Variants in SEMA4C observed in about 807,000 individuals in gnomAD.
SEMA4C encodes the protein semaphorin-4C.
A neutral mutation model predicts 89.0 loss-of-function variants in SEMA4C; 19 were observed. The observed-to-expected ratio is 0.21, with a 90% CI of 0.15 to 0.31. The LOEUF (loss-of-function observed/expected upper bound fraction) is 0.31, where lower values mean the gene tolerates loss of function less well. Among genes scored for constraint, SEMA4C ranks in the 10% least tolerant of loss-of-function variants. SEMA4C has a pLI of 1.00. For missense variants in SEMA4C, 811 were observed against 1,107.0 expected (o/e 0.73, Z 3.79); for synonymous variants, 428 against 472.7 (o/e 0.91, Z 1.23).
At chr2:96,868,863 G>A (rs959292824) in intron 1 of SEMA4C, 1 of 985,292 alleles carries the variant, frequency 1.0e-6, no homozygotes, top group African/African-American at 1.7e-5. Flanking sequence ...CGGGGACTGC[G>A]CCCCAGGGAC....
At chr2:96,863,648 T>G (rs528651956) in intron 12 of SEMA4C, 34 bp downstream of exon 12, 17 of 1,573,264 alleles carry the variant, frequency 1.1e-5, no homozygotes, top group Middle Eastern at 3.3e-4. Context: ...GGGATAGTGC[T>G]GGGGACAGTG....
At position 96,861,984 on chromosome 2, in the gene SEMA4C, T is replaced by C; in HGVS notation, c.1444-90A>G. On this transcript the variant is annotated intron_variant, in intron 12 of 14. Coordinates refer to ENST00000305476, the MANE Select transcript of SEMA4C (RefSeq NM_017789.5). This position sits in a 1 kb window ranked among gnomAD's most constrained non-coding sequence, Gnocchi z 7.8. ...ACCAGAACGCAGCATGGGGACAGCT[T>C]GGACTCCTGCAGGGGGCACAGCACG... The C allele has an allele frequency of 2.8e-6, 4 of 1,410,120 alleles. No individual in the cohort carries two copies. The East Asian group carries it at 7.5e-5, about 26-fold the overall frequency. The allele number at this position is 1,410,120 out of a possible 1,614,324, so 87.4% of individuals were successfully genotyped here. A position where few individuals can be genotyped will look rare whatever the true frequency, so the allele number is the denominator to read the frequency against.
rs1407968930 is a variant in SEMA4C at position 96,863,664 on chromosome 2, T to C, written c.1443+18A>G. 2 of 1,602,948 alleles carry C rather than the reference T, an allele frequency of 1.2e-6. No individual in the cohort carries two copies. The highest frequency in any genetic ancestry group is 1.7e-6 in the Non-Finnish European group (2 of 1,170,058). On this transcript the variant is annotated intron_variant, in intron 12 of 14. Coordinates refer to ENST00000305476, the MANE Select transcript of SEMA4C (RefSeq NM_017789.5). Reference sequence around the variant, plus strand: ...GGATAGTGCTGGGGACAGTGGCAGATAGGGCCCAACTTACTACCTTGCTCT... The same window carrying C: ...GGATAGTGCTGGGGACAGTGGCAGACAGGGCCCAACTTACTACCTTGCTCT...
chr2:96,860,160 T>C lies in SEMA4C; in HGVS notation c.*466A>G, dbSNP rs2079907859. 1 of 160,768 alleles carries C rather than the reference T, an allele frequency of 6.2e-6. No individual in the cohort carries two copies. The highest frequency in any genetic ancestry group is 6.4e-5 in the Admixed American group (1 of 15,744). 10.0% of individuals were successfully genotyped at this position (160,768 alleles called of 1,614,324 possible). A position where few individuals can be genotyped will look rare whatever the true frequency, so the allele number is the denominator to read the frequency against. ...CATCGCTGCCCGACACTCGGGGCAG[T>C]GGGGGTAGGAGAGACAAAGTGATAC... On this transcript the variant is annotated 3_prime_UTR_variant, in exon 15 of 15. Transcript: ENST00000305476.
rs760210120 is a variant in SEMA4C, at chr2:96,864,216, G to A, written c.1107+22C>T. 6 of 1,613,556 alleles carry A rather than the reference G, an allele frequency of 3.7e-6. No homozygotes were observed. In the Admixed American group the frequency reaches 5.0e-5, roughly 13 times the overall value. ...TGGCACCGCAGCTGGGTGGGGAGAT[G>A]CATCCCTGCCCTAGCACTCACCGAG... On this transcript the variant is annotated intron_variant, in intron 10 of 14. Transcript: ENST00000305476. This position sits in a 1 kb window ranked among gnomAD's most constrained non-coding sequence, Gnocchi z 6.3.
intron 1 of SEMA4C, 85 bp downstream of exon 1, chr2:96,869,791 C>T: frequency 1.0e-6 from 1 of 985,234 alleles, no homozygotes; most frequent in Non-Finnish European, 1.2e-6. Context: ...CTCCCGCGTC[C>T]GGCAGCCCCT....
At position 96,861,739 on chromosome 2, in the gene SEMA4C, A is replaced by G; in HGVS notation, c.1599T>C (p.Ser533=). The change falls in exon 13 of 15, where the codon TCT becomes TCC. Residue 533 remains serine (S), a splice_region_variant and synonymous_variant. Coordinates refer to ENST00000305476, the MANE Select transcript of SEMA4C (RefSeq NM_017789.5). The surrounding 1 kb of genome is among the most constrained non-coding windows in gnomAD (Gnocchi z 7.8). ...TSRCVAVGGH[S]GSLLIQHVMT... is the part of the protein sequence containing the mutation. ...GGCCTATGTAGAGCCCAACTCACCC[A>G]GAGTGGCCACCCACGGCCACACAGC... The G allele has an allele frequency of 6.2e-7, 1 of 1,613,698 alleles. No homozygotes were observed. The highest frequency in any genetic ancestry group is 8.5e-7 in the Non-Finnish European group (1 of 1,179,952).
In SEMA4C at chr2:96,868,114, G is replaced by A. The variant is rs537282407; in HGVS notation, c.-37-191C>T. Among the ~76,000 whole-genome samples the A allele has an allele frequency of 7.4e-4, 112 of 152,338 alleles. 3 individuals are homozygous for A. The highest frequency in any genetic ancestry group is 4.3e-3 in the Admixed American group (66 of 15,304). On this transcript the variant is annotated intron_variant, in intron 1 of 14. Transcript: ENST00000305476. ...GCCTAAAAGACCACAGGTCTCCCTG[G>A]GAAGCGGGGAGGAGTTGAGTTGGCT...
At position 96,863,690 on chromosome 2, in the gene SEMA4C, G is replaced by T; in HGVS notation, c.1435C>A (p.Gln479Lys). 1 of 1,613,794 alleles carries T rather than the reference G, an allele frequency of 6.2e-7. No individual in the cohort carries two copies. Among genetic ancestry groups the T allele is most frequent in the Non-Finnish European group, 8.5e-7 (1 of 1,179,748 alleles). Reference protein sequence around the residue: ...QEPMRSLVLSQSKKLLFAGSR... With the variant: ...QEPMRSLVLSKSKKLLFAGSR... Reference sequence around the variant, plus strand: ...AGGGCCCAACTTACTACCTTGCTCTGAGATAGCACCAGGCTTCTCATGGGC... The same window carrying T: ...AGGGCCCAACTTACTACCTTGCTCTTAGATAGCACCAGGCTTCTCATGGGC... The change falls in exon 12 of 15, where the codon CAG becomes AAG. Residue 479 changes from glutamine to lysine, a missense_variant. By Grantham distance (53) the Gln-to-Lys change is moderately conservative. This residue lies in a region of SEMA4C where 441 missense variants were observed against 664.9 expected (regional missense o/e 0.66). Transcript: ENST00000305476.
intron 12 of SEMA4C, 101 bp downstream of exon 12, chr2:96,863,581 C>T (rs901500611): frequency 1.5e-6 from 2 of 1,314,820 alleles, no homozygotes; most frequent in African/African-American, 1.4e-5. Context: ...CCTAACTCTG[C>T]ACTGGCCAAG....
chr2:96,868,353 A>G (rs949283278), intron 1 of SEMA4C: 8 of 905,324 alleles, frequency 8.8e-6, no homozygotes, highest in South Asian at 4.5e-5. Flanking sequence ...TGGGAGGAAG[A>G]CTCCTTAGGG....
At chr2:96,869,795 A>G in intron 1 of SEMA4C, 81 bp downstream of exon 1, 1 of 984,878 alleles carries the variant, frequency 1.0e-6, no homozygotes, top group Non-Finnish European at 1.2e-6. Flanking sequence ...CGCGTCCGGC[A>G]GCCCCTGCCC....
At position 96,869,096 on chromosome 2, in the gene SEMA4C, CCT is replaced by C. The variant is rs1461084249; in HGVS notation, c.-38+778_-38+779del. 7 of 985,286 alleles carry C rather than the reference CCT, an allele frequency of 7.1e-6. No homozygotes were observed. The East Asian group carries it at 3.4e-4, about 48-fold the overall frequency. 61.0% of individuals were successfully genotyped at this position (985,286 alleles called of 1,614,324 possible). A position where few individuals can be genotyped will look rare whatever the true frequency, so the allele number is the denominator to read the frequency against. On this transcript the variant is annotated intron_variant, in intron 1 of 14. Coordinates refer to ENST00000305476, the MANE Select transcript of SEMA4C (RefSeq NM_017789.5). The stretch of plus-strand genomic sequence containing the variant: ...TGGCGAGCCCGGCCTGCGGACGCCC[CCT>C]GTCGGCCCAGAGCCCCGGCGCGGGA...
Position 96,864,629 on chromosome 2 carries a change from C to T in SEMA4C, c.962+76G>A. The stretch of plus-strand genomic sequence containing the variant: ...CCGGGACTGCCTCTGAGGCCTGGTC[C>T]AGGCTCCCACCCATGCACCGTCCCT... On this transcript the variant is annotated intron_variant, in intron 9 of 14. Coordinates refer to ENST00000305476, the MANE Select transcript of SEMA4C (RefSeq NM_017789.5). This position sits in a 1 kb window ranked among gnomAD's most constrained non-coding sequence, Gnocchi z 6.3. 1 of 1,515,628 alleles carries T rather than the reference C, an allele frequency of 6.6e-7. No individual in the cohort carries two copies. The highest frequency in any genetic ancestry group is 1.3e-5 in the South Asian group (1 of 77,482). 93.9% of individuals were successfully genotyped at this position (1,515,628 alleles called of 1,614,324 possible).
intron 1 of SEMA4C, chr2:96,869,154 C>A (rs894494413): frequency 2.0e-6 from 2 of 985,380 alleles, no homozygotes; most frequent in Non-Finnish European, 2.4e-6. Flanking sequence ...ACCAGCCCCC[C>A]AAAACGCCCG....
Position 96,865,728 on chromosome 2 carries a change from A to G in SEMA4C, c.358T>C (p.Tyr120His). 6.2e-7 allele frequency: 1 copy of G among 1,614,106 alleles called. No homozygotes were observed. The highest frequency in any genetic ancestry group is 1.3e-5 in the African/African-American group (1 of 75,036). ...CFNFIRFLQP[Y>H]NASHLYVCGT... Reference sequence around the variant, plus strand: ...CAGACGTACAGGTGGGAGGCATTGTAGGGCTGCAGGAAGCGGATGAAGTTG... The same window carrying G: ...CAGACGTACAGGTGGGAGGCATTGTGGGGCTGCAGGAAGCGGATGAAGTTG... The change falls in exon 5 of 15, where the codon TAC (tyrosine) becomes CAC (histidine). Residue 120 changes from tyrosine to histidine, a missense_variant. Coordinates refer to ENST00000305476, the MANE Select transcript of SEMA4C (RefSeq NM_017789.5).
At chr2:96,869,215 G>C in intron 1 of SEMA4C, 1 of 985,382 alleles carries the variant, frequency 1.0e-6, no homozygotes, top group Non-Finnish European at 1.2e-6. Context: ...CCCGTGGCGT[G>C]CTCCGAGGAT....
chr2:96,870,520 C>G (rs1260385710), upstream of SEMA4C: 1 of 982,022 alleles, frequency 1.0e-6, no homozygotes, highest in Non-Finnish European at 1.2e-6. Context: ...GGAACCGAGG[C>G]GTCTTTTGGG....
intron 5 of SEMA4C, 45 bp from the exon 6 acceptor site, chr2:96,865,582 G>C (rs2080050688): frequency 6.3e-7 from 1 of 1,597,472 alleles, no homozygotes; most frequent in African/African-American, 1.3e-5. Flanking sequence ...TAAGGGCAGG[G>C]CTCTGTGGGC....
Sources: allele counts gnomAD v4.1 joint callset (sites outside exome capture counted in the v4.1 genomes callset), GRCh38; gene constraint gnomAD v4.1.1; regional missense constraint gnomAD v4.1.1; non-coding constraint Gnocchi (gnomAD v3.1); transcripts MANE v1.5; gene names NCBI Gene and HGNC (gene_info 2026-07-23, HGNC 2026-07-21).